The following DYNC2H1 variants were observed in gnomAD, a reference collection of about 807,000 sequenced individuals.
DYNC2H1 encodes cytoplasmic dynein 2 heavy chain 1.
DYNC2H1 carries 410 observed loss-of-function variants against 570.0 expected under a neutral mutation model. The ratio of observed to expected loss-of-function variants is 0.72; its 90% CI spans 0.66 to 0.78. The LOEUF (loss-of-function observed/expected upper bound fraction) is 0.78. Ranked by LOEUF, DYNC2H1 falls within the 30% of genes least tolerant of loss-of-function variation. The pLI is 0.00. For synonymous variants in DYNC2H1, 1,688 were observed against 1,677.6 expected (o/e 1.01, Z -0.15); for missense variants, 4,865 against 5,046.4 (o/e 0.96, Z 1.09).
intron 88 of DYNC2H1, among the ~76,000 whole-genome samples, chr11:103,469,118 G>A (rs11225816): frequency 0.074 from 11,286 of 152,238 alleles, 462 homozygotes; most frequent in Non-Finnish European, 0.095. Context: ...ACGTGCTCAC[G>A]CAGGTTAAAT....
rs568180989 is a variant in DYNC2H1 at position 103,191,535 on chromosome 11, G to A, written c.7456G>A (p.Val2486Ile). Residue 2486 changes from valine to isoleucine, a missense_variant, in exon 46 of 89, where the codon GTT becomes ATT. Physicochemically the swap from Val to Ile is conservative, Grantham distance 29. Transcript: ENST00000375735. ...VYEQVRAKFT[V>I]DDYSHYFFTP... The stretch of plus-strand genomic sequence containing the variant: ...TTTTCAGGTGCGAGCCAAATTTACA[G>A]TTGATGATTATAGTCACTATTTCTT... 1.2e-5 allele frequency: 20 copies of A among 1,607,154 alleles called. No individual in the cohort carries two copies. In the African/African-American group the frequency reaches 1.9e-4, roughly 15 times the overall value.
chr11:103,471,470 C>T (rs1945383514), intron 88 of DYNC2H1, among the ~76,000 whole-genome samples: 1 of 152,180 alleles, frequency 6.6e-6, no homozygotes, highest in East Asian at 1.9e-4. Context: ...CCTAACTTCA[C>T]TGAGCCAGTT....
chr11:103,116,521 C>T, intron 4 of DYNC2H1, 49 bp from the exon 5 acceptor site: 1 of 1,426,228 alleles, frequency 7.0e-7, no homozygotes, highest in Non-Finnish European at 9.4e-7. Context: ...ATTATATTAC[C>T]CAAGGTACAA....
chr11:103,336,664 T>A (rs148288864), intron 82 of DYNC2H1, among the ~76,000 whole-genome samples: 4 of 152,336 alleles, frequency 2.6e-5, no homozygotes, highest in African/African-American at 9.6e-5. Context: ...GAAATAATAT[T>A]CCATTGTTTA....
At chr11:103,317,720 C>G (rs1323858741) in intron 80 of DYNC2H1, among the ~76,000 whole-genome samples, 1 of 152,092 alleles carries the variant, frequency 6.6e-6, no homozygotes, top group Non-Finnish European at 1.5e-5. Flanking sequence ...TGGCCTTCTT[C>G]TTCCTATTGT....
At chr11:103,169,335 C>T (rs1861472700) in intron 32 of DYNC2H1, among the ~76,000 whole-genome samples, 1 of 151,978 alleles carries the variant, frequency 6.6e-6, no homozygotes, top group South Asian at 2.1e-4. Flanking sequence ...TTTAAATATG[C>T]TAAAATGTTT....
intron 68 of DYNC2H1, 109 bp from the exon 69 acceptor site, chr11:103,257,499 G>C: frequency 4.5e-6 from 5 of 1,111,076 alleles, no homozygotes; most frequent in Non-Finnish European, 6.0e-6. Flanking sequence ...GAAAAAGTAA[G>C]GTTTTTTTAT....
intron 76 of DYNC2H1, 42 bp from the exon 77 acceptor site, chr11:103,304,550 TAGC>T (rs1867193305): frequency 1.0e-5 from 16 of 1,590,724 alleles, no homozygotes; most frequent in Non-Finnish European, 1.4e-5. Flanking sequence ...TACAACATGT[TAGC>T]AGATCTGTTT....
chr11:103,187,215 T>C (rs1862106115), intron 42 of DYNC2H1, 125 bp from the exon 43 acceptor site: 2 of 1,340,298 alleles, frequency 1.5e-6, no homozygotes, highest in Admixed American at 2.7e-5. Context: ...TATTTACCAT[T>C]TTTCCTATCA....
In DYNC2H1 at chr11:103,243,882, A is replaced by G; in HGVS notation, c.9918+91A>G. 1.0e-6 allele frequency: 1 copy of G among 994,504 alleles called. No individual in the cohort carries two copies. The highest frequency in any genetic ancestry group is 1.5e-6 in the Non-Finnish European group (1 of 679,956). The allele number at this position is 994,504 out of a possible 1,614,324, so 61.6% of individuals were successfully genotyped here. ...TCTATAATCAGAAAACATAGATTCA[A>G]CACTGGGTCCTACTGTATGGGACCT... On this transcript the variant is annotated intron_variant, in intron 64 of 88. Coordinates refer to ENST00000375735, the MANE Select transcript of DYNC2H1 (RefSeq NM_001377.3). This position sits in a 1 kb window ranked among gnomAD's most constrained non-coding sequence, Gnocchi z 4.8.
At chr11:103,231,916 C>T (rs1187652887) in intron 60 of DYNC2H1, among the ~76,000 whole-genome samples, 4 of 151,824 alleles carry the variant, frequency 2.6e-5, no homozygotes, top group African/African-American at 9.7e-5. Flanking sequence ...CTTTCTGTCT[C>T]ACCAATATAT....
At chr11:103,110,101 T>C (rs1282150206) in intron 1 of DYNC2H1, among the ~76,000 whole-genome samples, 1 of 152,180 alleles carries the variant, frequency 6.6e-6, no homozygotes, top group Non-Finnish European at 1.5e-5. Context: ...CGATCTCTGC[T>C]CACTGCGTCC....
intron 48 of DYNC2H1, 51 bp downstream of exon 48, chr11:103,198,114 T>G: frequency 2.7e-6 from 4 of 1,506,216 alleles, no homozygotes; most frequent in Non-Finnish European, 3.6e-6. Flanking sequence ...TATAGTCTTT[T>G]AAAAATATTT....
chr11:103,216,006 T>C lies in DYNC2H1; in HGVS notation c.8832+148T>C, dbSNP rs1027965170. On this transcript the variant is annotated intron_variant, in intron 55 of 88. Coordinates refer to ENST00000375735, the MANE Select transcript of DYNC2H1 (RefSeq NM_001377.3). ...AGACTGATATTATGTCCTTAAGCTTTTGTGGAAGGGCATGGTATTTTCCTA... is the reference window on the plus strand; with the variant it reads ...AGACTGATATTATGTCCTTAAGCTTCTGTGGAAGGGCATGGTATTTTCCTA... 7 of 958,334 alleles carry C rather than the reference T, an allele frequency of 7.3e-6. No individual in the cohort carries two copies. In the African/African-American group the frequency reaches 9.9e-5, roughly 14 times the overall value. The allele number at this position is 958,334 out of a possible 1,614,324, so 59.4% of individuals were successfully genotyped here.
intron 85 of DYNC2H1, among the ~76,000 whole-genome samples, chr11:103,449,335 T>C (rs1038059446): frequency 6.6e-6 from 1 of 152,172 alleles, no homozygotes; most frequent in Non-Finnish European, 1.5e-5. Context: ...ATGGGATAAC[T>C]CTGGGCAACT....
intron 88 of DYNC2H1, among the ~76,000 whole-genome samples, chr11:103,477,866 T>C (rs1033592489): frequency 1.4e-5 from 2 of 142,370 alleles, no homozygotes; most frequent in African/African-American, 5.0e-5. Flanking sequence ...AGATCAATTA[T>C]TCCTAGCACC....
At chr11:103,255,154 A>G (rs779588896) in intron 66 of DYNC2H1, among the ~76,000 whole-genome samples, 6 of 152,202 alleles carry the variant, frequency 3.9e-5, no homozygotes, top group Non-Finnish European at 5.9e-5. Flanking sequence ...ACTAAATATT[A>G]CACATTGATA....
rs756054512 is a variant in DYNC2H1, at chr11:103,369,276, C to T, written c.12156+10917C>T. On this transcript the variant is annotated intron_variant, in intron 83 of 88. Transcript: ENST00000375735. This position sits in a 1 kb window ranked among gnomAD's most constrained non-coding sequence, Gnocchi z 4.0. ...AAGGATAATTTAAACCAGCCCTAAC[C>T]AGAGAGGATTCCCAGATGCTGGCGG... Among the ~76,000 whole-genome samples, 22 of 152,292 alleles carry T rather than the reference C, an allele frequency of 1.4e-4. No homozygotes were observed. The highest frequency in any genetic ancestry group is 2.6e-4 in the African/African-American group (11 of 41,542).
chr11:103,432,152 A>G (rs1171430195), intron 84 of DYNC2H1, among the ~76,000 whole-genome samples: 1 of 152,102 alleles, frequency 6.6e-6, no homozygotes, highest in Non-Finnish European at 1.5e-5. Flanking sequence ...TGGTTGTCAT[A>G]TAAAATCCAC....
Sources: gnomAD v4.1 joint callset for allele counts (sites outside exome capture counted in the v4.1 genomes callset) on GRCh38, gnomAD v4.1.1 for gene constraint, Gnocchi (gnomAD v3.1) non-coding constraint, MANE v1.5 for transcripts, NCBI Gene and HGNC (gene_info 2026-07-23, HGNC 2026-07-21) for gene names.